GJB7: variants seen among roughly 807,000 people sequenced by gnomAD.
GJB7 encodes gap junction beta-7 protein.
For missense variants in GJB7, 253 were observed against 256.8 expected (o/e 0.99, Z 0.10); for synonymous variants, 87 against 95.2 (o/e 0.91, Z 0.50).
At chr6:87,290,830 A>G (rs1776158069) in intron 2 of GJB7, among the ~76,000 whole-genome samples, 2 of 152,226 alleles carry the variant, frequency 1.3e-5, no homozygotes, top group Non-Finnish European at 2.9e-5. Context: ...CAGAGACAGT[A>G]TGGCCCTCAA....
intron 2 of GJB7, chr6:87,322,509 G>T (rs1776685671): frequency 6.6e-6 from 1 of 152,404 alleles, no homozygotes; most frequent in African/African-American, 2.4e-5. Context: ...CTGCGCCGCA[G>T]CCTCCGGAAG....
chr6:87,323,337 A>G (rs1776719793), intron 1 of GJB7, among the ~76,000 whole-genome samples: 1 of 152,174 alleles, frequency 6.6e-6, no homozygotes, highest in Admixed American at 6.5e-5. Flanking sequence ...GGTTAGTTAC[A>G]TATGTATACA....
intron 2 of GJB7, among the ~76,000 whole-genome samples, chr6:87,309,128 G>A (rs749561087): frequency 2.6e-4 from 40 of 152,182 alleles, no homozygotes; most frequent in Non-Finnish European, 2.9e-5. Context: ...CTTGGCGGCT[G>A]ACACACGTTG....
Position 87,283,782 on chromosome 6 carries a change from G to A in GJB7, c.*459C>T, listed in dbSNP as rs1367743726. The A allele has an allele frequency of 2.0e-5, 3 of 153,302 alleles. No homozygotes were observed. The highest frequency in any genetic ancestry group is 7.3e-5 in the African/African-American group (3 of 41,156). 9.5% of individuals were successfully genotyped at this position (153,302 alleles called of 1,614,324 possible). On this transcript the variant is annotated 3_prime_UTR_variant, in exon 3 of 3. Coordinates refer to ENST00000525899, the MANE Select transcript of GJB7 (RefSeq NM_198568.3). ...CACTTTTTATATTTTCCAGTTCATT[G>A]TGCACCAATTGTAATGAGATAGTTA...
intron 2 of GJB7, among the ~76,000 whole-genome samples, chr6:87,289,591 G>T (rs915715065): frequency 6.6e-6 from 1 of 152,168 alleles, no homozygotes; most frequent in Non-Finnish European, 1.5e-5. Context: ...AGGTCTCTGG[G>T]CTTGGCTCAT....
rs1046472697 is a variant in GJB7, at chr6:87,306,382, C to T, written c.-28+16484G>A. Among the ~76,000 whole-genome samples the T allele has an allele frequency of 2.6e-5, 4 of 152,206 alleles. No individual in the cohort carries two copies. In the South Asian group the frequency reaches 6.2e-4, roughly 24 times the overall value. The stretch of plus-strand genomic sequence containing the variant: ...GGGCGAAGGACATGAACAGACACTT[C>T]TCAGAAGAAGACATTTATGCAGCCA... On this transcript the variant is annotated intron_variant, in intron 2 of 2. Coordinates refer to ENST00000525899, the MANE Select transcript of GJB7 (RefSeq NM_198568.3).
intron 2 of GJB7, among the ~76,000 whole-genome samples, chr6:87,293,265 G>A (rs1041956322): frequency 2.6e-5 from 4 of 152,084 alleles, no homozygotes; most frequent in South Asian, 2.1e-4. Context: ...TCTTCACCTC[G>A]TGATCTGCCC....
chr6:87,301,595 C>A (rs546438418), intron 2 of GJB7, among the ~76,000 whole-genome samples: 2 of 152,338 alleles, frequency 1.3e-5, no homozygotes, highest in Middle Eastern at 3.4e-3. Context: ...TAGACTCCCC[C>A]TCTGGAGGGG....
chr6:87,293,636 G>A (rs1776211156), intron 2 of GJB7, among the ~76,000 whole-genome samples: 7 of 152,108 alleles, frequency 4.6e-5, no homozygotes, highest in Admixed American at 6.6e-5. Flanking sequence ...TGACCTTAAA[G>A]CATCACCTGT....
intron 2 of GJB7, among the ~76,000 whole-genome samples, chr6:87,294,140 G>C (rs1221986186): frequency 6.6e-6 from 1 of 152,202 alleles, no homozygotes; most frequent in Non-Finnish European, 1.5e-5. Flanking sequence ...AAAGGCTAAG[G>C]ATAAAGCGAA....
At chr6:87,296,547 C>A (rs1357508881) in intron 2 of GJB7, among the ~76,000 whole-genome samples, 1 of 152,132 alleles carries the variant, frequency 6.6e-6, no homozygotes, top group African/African-American at 2.4e-5. Flanking sequence ...CCCTAATTAT[C>A]TGGCAATAAT....
chr6:87,322,843 C>T (rs1012532252), intron 2 of GJB7, 23 bp downstream of exon 2: 6 of 152,356 alleles, frequency 3.9e-5, no homozygotes, highest in African/African-American at 1.4e-4. Context: ...TCTGGCCCCA[C>T]AGAGCCCATT....
chr6:87,324,301 T>C (rs559559051), intron 1 of GJB7, among the ~76,000 whole-genome samples: 26 of 152,376 alleles, frequency 1.7e-4, no homozygotes, highest in African/African-American at 3.8e-4. Context: ...ATTTTGGCTT[T>C]GGTTGCTATT....
intron 2 of GJB7, among the ~76,000 whole-genome samples, chr6:87,287,967 A>G (rs1353287867): frequency 6.6e-6 from 1 of 151,938 alleles, no homozygotes; most frequent in African/African-American, 2.4e-5. Flanking sequence ...CAGTGGTGCA[A>G]TTTCAGCTCA....
At chr6:87,319,555 C>T (rs2127910926) in intron 2 of GJB7, among the ~76,000 whole-genome samples, 1 of 152,308 alleles carries the variant, frequency 6.6e-6, no homozygotes, top group South Asian at 2.1e-4. Context: ...TTATAGCCTT[C>T]CAATTGTTTT....
chr6:87,302,483 CA>C (rs1776347637), intron 2 of GJB7, among the ~76,000 whole-genome samples: 1 of 151,986 alleles, frequency 6.6e-6, no homozygotes, highest in Admixed American at 6.6e-5. Flanking sequence ...AGAGAAAAAA[CA>C]GTAAAAAGAA....
At chr6:87,305,281 T>C (rs576215600) in intron 2 of GJB7, among the ~76,000 whole-genome samples, 1,708 of 151,224 alleles carry the variant, frequency 0.011, 29 homozygotes, top group African/African-American at 0.039. Flanking sequence ...AAAACCCCAT[T>C]GTCTCAGCCC....
At chr6:87,287,990 C>T (rs1016611345) in intron 2 of GJB7, among the ~76,000 whole-genome samples, 4 of 152,126 alleles carry the variant, frequency 2.6e-5, no homozygotes, top group African/African-American at 9.7e-5. Flanking sequence ...ACAACCTCCG[C>T]CTCCCGGGTT....
chr6:87,317,245 C>T (rs1203164), intron 2 of GJB7, among the ~76,000 whole-genome samples: 93,630 of 149,830 alleles, frequency 0.62, 29,693 homozygotes, highest in African/African-American at 0.7. Context: ...ACGCCTATAA[C>T]TCCAGATACT....
Sources: allele counts gnomAD v4.1 joint callset (sites outside exome capture counted in the v4.1 genomes callset), GRCh38; gene constraint gnomAD v4.1.1; transcripts MANE v1.5; gene names NCBI Gene and HGNC (gene_info 2026-07-23, HGNC 2026-07-21).